The following ADAMTS17 variants were observed in gnomAD, a reference collection of about 807,000 sequenced individuals.
ADAMTS17 encodes the protein A disintegrin and metalloproteinase with thrombospondin motifs 17.
A neutral mutation model predicts 141.5 loss-of-function variants in ADAMTS17; 113 were observed. That is an observed-to-expected ratio of 0.80 (90% CI 0.69 to 0.93). The LOEUF (loss-of-function observed/expected upper bound fraction) is 0.93, where lower values mean the gene tolerates loss of function less well. Ranked by LOEUF, ADAMTS17 falls within the 40% of genes least tolerant of loss-of-function variation. The pLI, the probability that ADAMTS17 is intolerant of heterozygous loss-of-function variation, is 0.00. For missense variants in ADAMTS17, 1,659 were observed against 1,517.9 expected (o/e 1.09, Z -1.54); for synonymous variants, 768 against 630.6 (o/e 1.22, Z -3.27).
chr15:100,301,204 C>A (rs1385624971), intron 3 of ADAMTS17, among the ~76,000 whole-genome samples: 1 of 152,270 alleles, frequency 6.6e-6, no homozygotes, highest in Non-Finnish European at 1.5e-5. Flanking sequence ...TAACTCATTT[C>A]TAAGTCCTTG....
At chr15:100,044,274 T>A (rs1339422225) in intron 18 of ADAMTS17, among the ~76,000 whole-genome samples, 1 of 152,166 alleles carries the variant, frequency 6.6e-6, no homozygotes, top group Non-Finnish European at 1.5e-5. Flanking sequence ...CTCTCTCCTC[T>A]CCTTCTGTGA....
chr15:100,341,786 C>A (rs1445302665), intron 1 of ADAMTS17, 35 bp downstream of exon 1: 1 of 1,544,264 alleles, frequency 6.5e-7, no homozygotes. Context: ...AGCCGCAGGA[C>A]GCGGGGTGAA....
At chr15:100,040,359 A>G (rs2031135758) in intron 18 of ADAMTS17, among the ~76,000 whole-genome samples, 1 of 152,166 alleles carries the variant, frequency 6.6e-6, no homozygotes, top group Non-Finnish European at 1.5e-5. Context: ...TTCATTTCTG[A>G]GAGATCGCTT....
At chr15:100,263,970 G>A (rs1208415447) in intron 4 of ADAMTS17, among the ~76,000 whole-genome samples, 2 of 152,338 alleles carry the variant, frequency 1.3e-5, no homozygotes, top group African/African-American at 2.4e-5. Flanking sequence ...TAGAAGCCAG[G>A]CACGCAGTGT....
At chr15:100,270,194 A>G (rs369248724) in intron 4 of ADAMTS17, among the ~76,000 whole-genome samples, 3 of 126,802 alleles carry the variant, frequency 2.4e-5, no homozygotes, top group Non-Finnish European at 5.6e-5. Flanking sequence ...TTCTTCTGTG[A>G]CTCTGGAGCC....
Position 100,258,472 on chromosome 15 carries a change from A to T in ADAMTS17, c.1031+3007T>A, listed in dbSNP as rs142957651. On this transcript the variant is annotated intron_variant, in intron 6 of 21. Transcript: ENST00000268070. Reference sequence around the variant, plus strand: ...GAAATTTACAGAAGAAAGAGGTTTAATGCACTTATAGTTCCACATGGCTGG... The same window carrying T: ...GAAATTTACAGAAGAAAGAGGTTTATTGCACTTATAGTTCCACATGGCTGG... 4.1e-3 allele frequency among the ~76,000 whole-genome samples: 626 copies of T among 152,358 alleles called. 7 individuals are homozygous for T. The highest frequency in any genetic ancestry group is 0.014 in the African/African-American group (572 of 41,580).
chr15:100,168,022 A>C (rs1031829296), intron 8 of ADAMTS17, among the ~76,000 whole-genome samples: 2 of 151,950 alleles, frequency 1.3e-5, no homozygotes, highest in Non-Finnish European at 2.9e-5. Flanking sequence ...TAAACCTCCC[A>C]CTCTAAACAC....
intron 2 of ADAMTS17, among the ~76,000 whole-genome samples, chr15:100,339,858 C>G (rs1004772089): frequency 6.6e-6 from 1 of 152,194 alleles, no homozygotes; most frequent in African/African-American, 2.4e-5. Context: ...ACAGAGATAC[C>G]CGCAGGACTG....
At chr15:100,314,902 T>C (rs1377256539) in intron 3 of ADAMTS17, among the ~76,000 whole-genome samples, 2 of 152,156 alleles carry the variant, frequency 1.3e-5, no homozygotes, top group African/African-American at 4.8e-5. Context: ...TGGGACACCC[T>C]GTTTGGAAGA....
intron 7 of ADAMTS17, among the ~76,000 whole-genome samples, chr15:100,228,240 G>A (rs1273357199): frequency 2.0e-5 from 3 of 152,168 alleles, no homozygotes; most frequent in Non-Finnish European, 4.4e-5. Context: ...ATCTCCGAAA[G>A]GCCTCAGAAC....
intron 15 of ADAMTS17, among the ~76,000 whole-genome samples, chr15:100,065,645 G>A (rs1477780131): frequency 2.6e-5 from 4 of 152,110 alleles, no homozygotes; most frequent in African/African-American, 7.2e-5. Flanking sequence ...TTTTCCCACC[G>A]AAAAAGATTG....
At chr15:100,304,302 ACT>A (rs1471991199) in intron 3 of ADAMTS17, among the ~76,000 whole-genome samples, 2 of 151,782 alleles carry the variant, frequency 1.3e-5, no homozygotes, top group African/African-American at 4.8e-5. Flanking sequence ...AACATGGATA[ACT>A]CTGTGGCCTG....
intron 2 of ADAMTS17, chr15:100,338,910 T>G (rs746754707): frequency 6.0e-5 from 59 of 981,898 alleles, no homozygotes; most frequent in Non-Finnish European, 6.5e-5. Context: ...GTTGCTTTCT[T>G]TTCTTTACGC....
chr15:100,133,003 A>C (rs1244390767), intron 11 of ADAMTS17, among the ~76,000 whole-genome samples: 2 of 152,230 alleles, frequency 1.3e-5, no homozygotes, highest in African/African-American at 2.4e-5. Context: ...CAAAAATATT[A>C]AGTAAATGAT....
chr15:100,099,919 C>CT (rs2035993034), intron 14 of ADAMTS17, among the ~76,000 whole-genome samples: 1 of 152,196 alleles, frequency 6.6e-6, no homozygotes, highest in African/African-American at 2.4e-5. Context: ...CTTTAGCTGT[C>CT]TGAGTCCTGG....
intron 18 of ADAMTS17, among the ~76,000 whole-genome samples, chr15:100,005,424 C>T (rs529758545): frequency 3.6e-4 from 55 of 152,286 alleles, no homozygotes; most frequent in African/African-American, 1.3e-3. Context: ...CCTTTTCCAG[C>T]TCCATGCTGC....
intron 10 of ADAMTS17, 102 bp from the exon 11 acceptor site, chr15:100,133,417 T>C (rs895216716): frequency 4.3e-6 from 5 of 1,164,318 alleles, no homozygotes; most frequent in Non-Finnish European, 6.2e-6. Flanking sequence ...AAATTTGGGA[T>C]TCGAAACGTA....
At chr15:100,050,135 G>A (rs547919487) in intron 17 of ADAMTS17, among the ~76,000 whole-genome samples, 3 of 152,250 alleles carry the variant, frequency 2.0e-5, no homozygotes, top group South Asian at 2.1e-4. Context: ...TGGCAGCCTC[G>A]CATGAGTACA....
At chr15:100,154,729 C>T (rs980381902) in intron 9 of ADAMTS17, among the ~76,000 whole-genome samples, 1 of 152,186 alleles carries the variant, frequency 6.6e-6, no homozygotes, top group Non-Finnish European at 1.5e-5. Context: ...ATAAACACAG[C>T]CCTCCCCTCC....
Sources: allele counts gnomAD v4.1 joint callset (sites outside exome capture counted in the v4.1 genomes callset), GRCh38; gene constraint gnomAD v4.1.1; transcripts MANE v1.5; gene names NCBI Gene and HGNC (gene_info 2026-07-23, HGNC 2026-07-21).